The following IL1RAPL1 variants were observed in gnomAD, a reference collection of about 807,000 sequenced individuals.
IL1RAPL1 encodes the protein interleukin 1 receptor accessory protein like 1, also known as interleukin-1 receptor accessory protein-like 1.
Under a neutral mutation model 48.4 loss-of-function variants are expected in IL1RAPL1, and 3 were observed. The ratio of observed to expected loss-of-function variants is 0.06; its 90% confidence interval spans 0.03 to 0.16. The LOEUF (loss-of-function observed/expected upper bound fraction) is 0.16. Among genes scored for constraint, IL1RAPL1 ranks in the 10% least tolerant of loss-of-function variants. IL1RAPL1 has a pLI of 1.00. For synonymous variants in IL1RAPL1, 185 were observed against 187.7 expected (o/e 0.99, Z 0.12); for missense variants, 349 against 530.6 (o/e 0.66, Z 3.36).
At chrX:28,726,836 T>C (rs1487303121) in intron 1 of IL1RAPL1, among the ~76,000 whole-genome samples, 1 of 111,546 alleles carries the variant, frequency 9.0e-6, no homozygotes, top group Non-Finnish European at 1.9e-5. Flanking sequence ...AGAGCTCTAG[T>C]GCCTGCATGC....
intron 2 of IL1RAPL1, among the ~76,000 whole-genome samples, chrX:28,983,849 A>T (rs778498612): frequency 8.9e-6 from 1 of 112,078 alleles, no homozygotes; most frequent in Non-Finnish European, 1.9e-5. Flanking sequence ...AGTATGTCAC[A>T]AAAATCTTTC....
At chrX:29,936,542 C>T (rs1201407414) in intron 8 of IL1RAPL1, among the ~76,000 whole-genome samples, 1 of 105,135 alleles carries the variant, frequency 9.5e-6, no homozygotes, top group African/African-American at 3.9e-5. Flanking sequence ...CACACACACA[C>T]ACACACACAC....
chrX:29,490,180 A>C (rs185634196), intron 5 of IL1RAPL1, among the ~76,000 whole-genome samples: 52 of 111,062 alleles, frequency 4.7e-4, no homozygotes, highest in Admixed American at 3.9e-3. Flanking sequence ...AAATGCATGA[A>C]TACATGGTCA....
intron 5 of IL1RAPL1, among the ~76,000 whole-genome samples, chrX:29,514,951 G>C (rs778730907): frequency 4.5e-5 from 5 of 111,971 alleles, no homozygotes; most frequent in African/African-American, 1.3e-4. Context: ...ATTCCCTTTT[G>C]CATTATTTAT....
At chrX:28,737,269 T>TTCTTTCTTTCTC in intron 1 of IL1RAPL1, among the ~76,000 whole-genome samples, 1 of 99,755 alleles carries the variant, frequency 1.0e-5, no homozygotes, top group African/African-American at 3.7e-5. Flanking sequence ...CTTTCTTTCT[T>TTCTTTCTTTCTC]TTTTTGAGAT....
chrX:29,754,069 T>C (rs1360444895), intron 6 of IL1RAPL1, among the ~76,000 whole-genome samples: 1 of 111,795 alleles, frequency 8.9e-6, no homozygotes, highest in Non-Finnish European at 1.9e-5. Context: ...AATCCTGTGA[T>C]TTGTCATGCA....
chrX:29,009,864 A>G (rs1485067784), intron 2 of IL1RAPL1, among the ~76,000 whole-genome samples: 1 of 112,132 alleles, frequency 8.9e-6, no homozygotes, highest in Non-Finnish European at 1.9e-5. Flanking sequence ...CATTTTAACA[A>G]TATTGATTCT....
Position 29,745,431 on chromosome X carries a change from G to GTTTTTTTTTTTTTTTTTTTT in IL1RAPL1, c.778+76937_778+76956dup, listed in dbSNP as rs752527354. On this transcript the variant is annotated intron_variant, in intron 6 of 10. Transcript: ENST00000378993. ...TCTCTTTATTCCTTAAGTTTTTTGT[G>GTTTTTTTTTTTTTTTTTTTT]TTTTTTTTTTTTTTTTTTTTTTTTT... Among the ~76,000 whole-genome samples the GTTTTTTTTTTTTTTTTTTTT allele has an allele frequency of 8.1e-5, 2 of 24,746 alleles. 1 individual carries two copies. Among genetic ancestry groups the GTTTTTTTTTTTTTTTTTTTT allele is most frequent in the African/African-American group, 3.6e-4 (2 of 5,580 alleles). 21.5% of individuals were successfully genotyped at this position (24,746 alleles called of 115,157 possible).
intron 5 of IL1RAPL1, among the ~76,000 whole-genome samples, chrX:29,605,032 T>C (rs1372025486): frequency 4.8e-5 from 5 of 104,691 alleles, no homozygotes; most frequent in African/African-American, 7.1e-5. Context: ...GCATAGACTT[T>C]TTGGGAGATG....
intron 3 of IL1RAPL1, among the ~76,000 whole-genome samples, chrX:29,297,553 G>A (rs901367859): frequency 8.9e-6 from 1 of 112,017 alleles, no homozygotes; most frequent in African/African-American, 3.2e-5. Flanking sequence ...AACTCTTCTG[G>A]ATAGCTCTTA....
intron 5 of IL1RAPL1, among the ~76,000 whole-genome samples, chrX:29,644,116 C>A (rs573369953): frequency 8.9e-5 from 10 of 111,939 alleles, no homozygotes; most frequent in African/African-American, 3.2e-4. Context: ...TTGTTCTTTC[C>A]ATTGCAAATA....
At chrX:29,222,015 CAAA>C (rs761229753) in intron 2 of IL1RAPL1, among the ~76,000 whole-genome samples, 1 of 65,407 alleles carries the variant, frequency 1.5e-5, no homozygotes, top group South Asian at 1.0e-3. Flanking sequence ...GAGATTCCGT[CAAA>C]AAAAAAAAAA....
intron 2 of IL1RAPL1, among the ~76,000 whole-genome samples, chrX:29,142,447 C>A (rs1303392951): frequency 8.9e-6 from 1 of 111,834 alleles, no homozygotes; most frequent in Non-Finnish European, 1.9e-5. Flanking sequence ...GACATGGCAA[C>A]TAATGCAATG....
chrX:29,564,414 T>C (rs767771514), intron 5 of IL1RAPL1, among the ~76,000 whole-genome samples: 2 of 112,317 alleles, frequency 1.8e-5, no homozygotes, highest in Non-Finnish European at 3.8e-5. Flanking sequence ...ATGAGGAAAA[T>C]GATGTGGCAG....
intron 2 of IL1RAPL1, among the ~76,000 whole-genome samples, chrX:29,242,116 T>A (rs776994485): frequency 8.9e-5 from 10 of 112,506 alleles, no homozygotes; most frequent in Non-Finnish European, 1.5e-4. Flanking sequence ...CCTACTTGAA[T>A]TGCATATGAT....
intron 1 of IL1RAPL1, among the ~76,000 whole-genome samples, chrX:28,777,715 T>C (rs1176202145): frequency 9.0e-6 from 1 of 111,244 alleles, no homozygotes; most frequent in Admixed American, 9.7e-5. Context: ...AAGCTAATTA[T>C]TGTGAATAGT....
chrX:29,925,116 C>T lies in IL1RAPL1; in HGVS notation c.1057+5022C>T, dbSNP rs139041461. Among the ~76,000 whole-genome samples, 14 of 111,226 alleles carry T rather than the reference C, an allele frequency of 1.3e-4. No individual in the cohort carries two copies. In the East Asian group the frequency reaches 3.4e-3, roughly 27 times the overall value. On this transcript the variant is annotated intron_variant, in intron 8 of 10. Transcript: ENST00000378993. Reference sequence around the variant, plus strand: ...ACTTCTTTTGGGGCTGGCCATTTGACGTCTTTGACCATTGATTTCAGAATA... The same window carrying T: ...ACTTCTTTTGGGGCTGGCCATTTGATGTCTTTGACCATTGATTTCAGAATA...
chrX:29,650,133 A>G (rs760645497), intron 5 of IL1RAPL1, among the ~76,000 whole-genome samples: 1 of 111,966 alleles, frequency 8.9e-6, no homozygotes, highest in Non-Finnish European at 1.9e-5. Flanking sequence ...TGAAGAAGAC[A>G]CAGATAAATG....
intron 2 of IL1RAPL1, among the ~76,000 whole-genome samples, chrX:29,034,900 A>G (rs1204428975): frequency 9.3e-6 from 1 of 107,012 alleles, no homozygotes; most frequent in Non-Finnish European, 1.9e-5. Context: ...TGTCTGCCAG[A>G]CTGGAGTGCA....
Sources: allele counts gnomAD v4.1 joint callset (sites outside exome capture counted in the v4.1 genomes callset), GRCh38; gene constraint gnomAD v4.1.1; transcripts MANE v1.5; gene names NCBI Gene and HGNC (gene_info 2026-07-23, HGNC 2026-07-21).